Variants in CNTRL observed in about 807,000 individuals in gnomAD.
CNTRL encodes 110 kDa centrosomal protein.
CNTRL carries 233 observed loss-of-function variants against 303.7 expected under a neutral mutation model. The ratio of observed to expected loss-of-function variants is 0.77; its 90% CI spans 0.69 to 0.86. The LOEUF (loss-of-function observed/expected upper bound fraction) is 0.86. Among genes scored for constraint, CNTRL ranks in the 40% least tolerant of loss-of-function variants. CNTRL has a pLI of 0.00. For synonymous variants in CNTRL, 900 were observed against 922.2 expected, an observed-to-expected ratio of 0.98 and a Z score of 0.44; for missense variants, 2,524 against 2,650.6, an observed-to-expected ratio of 0.95 and a Z score of 1.05.
intron 23 of CNTRL, 143 bp downstream of exon 23, chr9:121,146,399 A>G (rs2051856628): frequency 4.9e-6 from 4 of 818,356 alleles, no homozygotes; most frequent in Non-Finnish European, 1.8e-6. Context: ...AGCGTTTTTA[A>G]TATTTGAGAT....
intron 26 of CNTRL, 146 bp from the exon 27 acceptor site, chr9:121,154,575 T>G: frequency 1.8e-6 from 1 of 569,594 alleles, no homozygotes; most frequent in South Asian, 2.3e-5. Flanking sequence ...AACCTAGACC[T>G]TGAACAAAAT....
chr9:121,146,069 G>T, intron 22 of CNTRL, 39 bp from the exon 23 acceptor site: 4 of 1,529,006 alleles, frequency 2.6e-6, no homozygotes, highest in Admixed American at 2.1e-5. Flanking sequence ...GGAAGTAAGT[G>T]ATTTCATATC....
At chr9:121,125,381 G>T (rs534728664) in intron 13 of CNTRL, among the ~76,000 whole-genome samples, 1 of 151,878 alleles carries the variant, frequency 6.6e-6, no homozygotes, top group Non-Finnish European at 1.5e-5. Context: ...GGATGGTCTC[G>T]ATCTCCTGAC....
At chr9:121,127,752 G>A (rs2050612149) in intron 14 of CNTRL, among the ~76,000 whole-genome samples, 1 of 151,416 alleles carries the variant, frequency 6.6e-6, no homozygotes, top group South Asian at 2.1e-4. Context: ...CCATTAACTC[G>A]TCATTTACAT....
chr9:121,158,326 A>C (rs964128192), intron 30 of CNTRL, among the ~76,000 whole-genome samples: 13 of 152,188 alleles, frequency 8.5e-5, no homozygotes, highest in Non-Finnish European at 1.6e-4. Context: ...ATTTCTGTTA[A>C]ATGCCTTTAT....
intron 23 of CNTRL, among the ~76,000 whole-genome samples, chr9:121,146,829 A>T (rs1335258197): frequency 6.6e-6 from 1 of 152,232 alleles, no homozygotes; most frequent in Non-Finnish European, 1.5e-5. Context: ...ACAAGCAGGG[A>T]TGTGAAGTCA....
intron 5 of CNTRL, among the ~76,000 whole-genome samples, chr9:121,095,268 T>C (rs969659204): frequency 6.6e-6 from 1 of 152,194 alleles, no homozygotes; most frequent in Non-Finnish European, 1.5e-5. Flanking sequence ...CCAAATTGTA[T>C]CTTAATTTCA....
chr9:121,148,709 G>A lies in CNTRL; in HGVS notation c.3497G>A (p.Gly1166Asp), dbSNP rs765047039. ...SHSSQATKDSGVGLKYSASTP... is the reference protein window; with the variant it reads ...SHSSQATKDSDVGLKYSASTP... ...AGTTCCCAGGCCACCAAGGACTCTG[G>A]TGTTGGCCTTAAGTACTCAGCCTCA... The change falls in exon 24 of 44, where the codon GGT becomes GAT. Residue 1166 changes from glycine to aspartate, a missense_variant. Physicochemically the swap from Gly to Asp is moderately conservative, Grantham distance 94. Coordinates refer to ENST00000373855, the MANE Select transcript of CNTRL (RefSeq NM_007018.6). The A allele has an allele frequency of 2.5e-6, 4 of 1,613,984 alleles. No homozygotes were observed. In the South Asian group the frequency reaches 4.4e-5, roughly 18 times the overall value.
At chr9:121,147,217 G>C (rs2051921157) in intron 23 of CNTRL, among the ~76,000 whole-genome samples, 1 of 152,180 alleles carries the variant, frequency 6.6e-6, no homozygotes, top group Admixed American at 6.5e-5. Context: ...TGGCCAGGCT[G>C]GTCTCAAACT....
intron 43 of CNTRL, 140 bp downstream of exon 43, chr9:121,175,364 T>C (rs980291034): frequency 3.4e-5 from 25 of 738,276 alleles, no homozygotes; most frequent in South Asian, 2.8e-4. Flanking sequence ...CCTCCCAGGC[T>C]CAAGTGATCC....
rs191450184 is a variant in CNTRL, at chr9:121,142,065, A to G, written c.2692-26A>G. ...TTAAAACATATTTTGCCTAAAAATC[A>G]TTCTTGAAATTGTATTTCTTCACAG... On this transcript the variant is annotated intron_variant, in intron 18 of 43. Transcript: ENST00000373855. The G allele has an allele frequency of 8.2e-5, 126 of 1,539,134 alleles. No homozygotes were observed. The African/African-American group carries it at 1.7e-3, about 20-fold the overall frequency.
chr9:121,150,035 T>C, intron 24 of CNTRL, 135 bp from the exon 25 acceptor site: 1 of 598,752 alleles, frequency 1.7e-6, no homozygotes, highest in Non-Finnish European at 2.7e-6. Context: ...TTGACCTTTT[T>C]TTCAGAGTTT....
chr9:121,109,577 C>CTG (rs34866494), intron 8 of CNTRL, among the ~76,000 whole-genome samples: 85,063 of 150,748 alleles, frequency 0.56, 25,822 homozygotes, highest in South Asian at 0.84. Flanking sequence ...CAGAGAAAAT[C>CTG]TGTGTGTGTG....
chr9:121,131,152 T>A (rs561776030), intron 14 of CNTRL, among the ~76,000 whole-genome samples: 2 of 152,366 alleles, frequency 1.3e-5, no homozygotes, highest in Non-Finnish European at 2.9e-5. Context: ...TAGGTCTGCT[T>A]GGTGCAGAGC....
chr9:121,096,898 T>A (rs2048915802), intron 6 of CNTRL, among the ~76,000 whole-genome samples: 1 of 151,958 alleles, frequency 6.6e-6, no homozygotes, highest in Non-Finnish European at 1.5e-5. Context: ...TAGGACAGGT[T>A]AAGTCCCTTA....
At chr9:121,110,701 AT>A (rs914043640) in intron 8 of CNTRL, among the ~76,000 whole-genome samples, 4,086 of 150,692 alleles carry the variant, frequency 0.027, 181 homozygotes, top group African/African-American at 0.095. Context: ...CGTATGTATT[AT>A]TTTTTTTTAA....
chr9:121,174,658 A>G (rs952718943), intron 42 of CNTRL, among the ~76,000 whole-genome samples: 1 of 152,212 alleles, frequency 6.6e-6, no homozygotes, highest in Non-Finnish European at 1.5e-5. Context: ...AAAAATACAT[A>G]ATCAGGAGAC....
At chr9:121,148,131 C>CG (rs1458764926) in intron 23 of CNTRL, among the ~76,000 whole-genome samples, 15 of 152,132 alleles carry the variant, frequency 9.9e-5, no homozygotes, top group African/African-American at 3.6e-4. Flanking sequence ...GGCTGACACC[C>CG]GGGAGTCTCA....
intron 7 of CNTRL, among the ~76,000 whole-genome samples, chr9:121,106,354 A>C (rs2049472297): frequency 6.6e-6 from 1 of 151,746 alleles, no homozygotes; most frequent in Non-Finnish European, 1.5e-5. Flanking sequence ...AAAAAAAAAA[A>C]ACCTAAAAGC....
Sources: allele counts gnomAD v4.1 joint callset (sites outside exome capture counted in the v4.1 genomes callset), GRCh38; gene constraint gnomAD v4.1.1; transcripts MANE v1.5; gene names NCBI Gene and HGNC (gene_info 2026-07-23, HGNC 2026-07-21).